Variants in MAP2 observed in about 807,000 individuals in gnomAD.
MAP2 encodes the protein microtubule-associated protein 2.
MAP2 carries 14 observed loss-of-function variants against 137.6 expected under a neutral mutation model. The observed-to-expected ratio is 0.10, with a 90% confidence interval of 0.07 to 0.16. MAP2 has a LOEUF of 0.16. Ranked by LOEUF, MAP2 falls within the 10% of genes least tolerant of loss-of-function variation. The pLI is 1.00. For missense variants in MAP2, 2,088 were observed against 2,191.5 expected, an observed-to-expected ratio of 0.95 and a Z score of 0.94; for synonymous variants, 786 against 782.3, an observed-to-expected ratio of 1.00 and a Z score of -0.08.
chr2:209,537,944 G>A (rs151198484), intron 2 of MAP2, among the ~76,000 whole-genome samples: 69 of 152,270 alleles, frequency 4.5e-4, no homozygotes, highest in Middle Eastern at 3.4e-3. Flanking sequence ...CAAATACAAT[G>A]CATGTGACTA....
intron 2 of MAP2, among the ~76,000 whole-genome samples, chr2:209,561,750 A>G (rs1252618076): frequency 6.6e-6 from 1 of 152,168 alleles, no homozygotes; most frequent in Non-Finnish European, 1.5e-5. Context: ...TCTTCAAACT[A>G]TGTTGTCTAA....
At chr2:209,480,431 T>C (rs1161976154) in intron 1 of MAP2, among the ~76,000 whole-genome samples, 2 of 152,196 alleles carry the variant, frequency 1.3e-5, no homozygotes, top group Non-Finnish European at 2.9e-5. Context: ...GCTGAGTCTG[T>C]GGATACGTGG....
chr2:209,424,475 G>C (rs1445042471), intron 1 of MAP2, among the ~76,000 whole-genome samples, 199 bp downstream of exon 1: 1 of 152,214 alleles, frequency 6.6e-6, no homozygotes. Flanking sequence ...TGTCACTGCG[G>C]AGCAGGGGGC....
chr2:209,501,521 C>G (rs1031754727), intron 1 of MAP2, among the ~76,000 whole-genome samples: 36 of 152,130 alleles, frequency 2.4e-4, no homozygotes, highest in African/African-American at 8.4e-4. Flanking sequence ...TTTCTCTTAC[C>G]TTTTAGGTGA....
At chr2:209,648,043 A>G (rs1373246405) in intron 4 of MAP2, among the ~76,000 whole-genome samples, 1 of 152,052 alleles carries the variant, frequency 6.6e-6, no homozygotes, top group Non-Finnish European at 1.5e-5. Flanking sequence ...TAATAGTCAT[A>G]ATACAATAAA....
intron 5 of MAP2, among the ~76,000 whole-genome samples, chr2:209,676,720 C>CATATAT (rs56283066): frequency 1.3e-3 from 94 of 71,786 alleles, no homozygotes; most frequent in African/African-American, 1.8e-3. Flanking sequence ...ACACAAAGGT[C>CATATAT]ATATATATAT....
intron 3 of MAP2, among the ~76,000 whole-genome samples, chr2:209,589,369 A>G (rs181248651): frequency 2.8e-4 from 43 of 152,318 alleles, no homozygotes; most frequent in African/African-American, 9.9e-4. Context: ...CCTGGGACAC[A>G]TATCCTTGTT....
chr2:209,494,427 A>G (rs976409366), intron 1 of MAP2, among the ~76,000 whole-genome samples: 1 of 149,604 alleles, frequency 6.7e-6, no homozygotes, highest in African/African-American at 2.5e-5. Context: ...AACTTAAAGT[A>G]TAATTAAAAA....
Position 209,546,083 on chromosome 2 carries a change from C to A in MAP2, c.-171-33953C>A, listed in dbSNP as rs191927642. Among the ~76,000 whole-genome samples, 494 of 152,176 alleles carry A rather than the reference C, an allele frequency of 3.2e-3. 7 individuals carry two copies. The highest frequency in any genetic ancestry group is 0.02 in the Middle Eastern group (6 of 294). On this transcript the variant is annotated intron_variant, in intron 2 of 15. Transcript: ENST00000682079. ...GCGTGAACCCGGGAGGCAGAGGTTGCGGTAAGCCGAGATCGCGCCACTGCA... is the reference window on the plus strand; with the variant it reads ...GCGTGAACCCGGGAGGCAGAGGTTGAGGTAAGCCGAGATCGCGCCACTGCA...
At chr2:209,464,363 T>C (rs1703611213) in intron 1 of MAP2, among the ~76,000 whole-genome samples, 1 of 152,122 alleles carries the variant, frequency 6.6e-6, no homozygotes, top group Admixed American at 6.5e-5. Context: ...TTGGTAAAAA[T>C]CTCTACATGT....
intron 1 of MAP2, among the ~76,000 whole-genome samples, chr2:209,478,781 A>G (rs773957445): frequency 6.6e-6 from 1 of 152,198 alleles, no homozygotes; most frequent in Non-Finnish European, 1.5e-5. Flanking sequence ...AGATTTAATT[A>G]TCTAAATAGA....
At chr2:209,704,476 T>C in intron 11 of MAP2, 1 of 1,609,542 alleles carries the variant, frequency 6.2e-7, no homozygotes, top group Non-Finnish European at 8.5e-7. Flanking sequence ...AGATTCCTGC[T>C]TTACAGGGTA....
chr2:209,691,824 A>C (rs1000567697), intron 7 of MAP2, among the ~76,000 whole-genome samples: 1 of 152,216 alleles, frequency 6.6e-6, no homozygotes, highest in African/African-American at 2.4e-5. Context: ...TTTGTTACTC[A>C]CATGACTTCC....
intron 11 of MAP2, chr2:209,703,910 T>C: frequency 2.2e-6 from 1 of 448,162 alleles, no homozygotes; most frequent in South Asian, 1.6e-5. Flanking sequence ...TAGACCTGGT[T>C]AATAGAAAAT....
chr2:209,461,918 T>C (rs1702915792), intron 1 of MAP2, among the ~76,000 whole-genome samples: 1 of 152,192 alleles, frequency 6.6e-6, no homozygotes, highest in South Asian at 2.1e-4. Context: ...GATTTTTTTC[T>C]AATCCATGGA....
At chr2:209,682,214 A>G (rs953900211) in intron 7 of MAP2, among the ~76,000 whole-genome samples, 1 of 152,124 alleles carries the variant, frequency 6.6e-6, no homozygotes, top group Non-Finnish European at 1.5e-5. Context: ...CCCTGCTTTT[A>G]AAGAGTACAC....
intron 2 of MAP2, among the ~76,000 whole-genome samples, chr2:209,516,921 G>A (rs989950872): frequency 2.6e-5 from 4 of 152,002 alleles, no homozygotes; most frequent in African/African-American, 9.7e-5. Flanking sequence ...TACATATTCA[G>A]GTTAGGCTAT....
intron 4 of MAP2, among the ~76,000 whole-genome samples, chr2:209,642,344 T>A (rs1281160895): frequency 6.6e-6 from 1 of 151,638 alleles, no homozygotes; most frequent in Non-Finnish European, 1.5e-5. Flanking sequence ...TGAGGCTTGC[T>A]TGAGCCCAGG....
rs1019731390 is a variant in MAP2 at position 209,510,341 on chromosome 2, C to G, written c.-172+2700C>G. 5.5e-4 allele frequency among the ~76,000 whole-genome samples: 83 copies of G among 152,034 alleles called. 2 individuals are homozygous for G. Among genetic ancestry groups the G allele is most frequent in the Admixed American group, 5.1e-3 (78 of 15,232 alleles). ...TATGGATATTTCATAGTTTATTTCACCATTTACTCATTGTTGGACATGCAG... is the reference window on the plus strand; with the variant it reads ...TATGGATATTTCATAGTTTATTTCAGCATTTACTCATTGTTGGACATGCAG... On this transcript the variant is annotated intron_variant, in intron 2 of 15. Transcript: ENST00000682079.
Sources: allele counts gnomAD v4.1 joint callset (sites outside exome capture counted in the v4.1 genomes callset), GRCh38; gene constraint gnomAD v4.1.1; transcripts MANE v1.5; gene names NCBI Gene and HGNC (gene_info 2026-07-23, HGNC 2026-07-21).